The following POGZ variants were observed in gnomAD, a reference collection of about 807,000 sequenced individuals.
The protein encoded by POGZ is pogo transposable element derived with ZNF domain.
Under a neutral mutation model 134.6 loss-of-function variants are expected in POGZ, and 17 were observed. That is an observed-to-expected ratio of 0.13 (90% confidence interval 0.09 to 0.19). POGZ has a LOEUF of 0.19. Ranked by LOEUF, POGZ falls within the 10% of genes least tolerant of loss-of-function variation. The pLI is 1.00. For synonymous variants in POGZ, 693 were observed against 657.1 expected, an observed-to-expected ratio of 1.05 and a Z score of -0.84; for missense variants, 1,306 against 1,769.7, an observed-to-expected ratio of 0.74 and a Z score of 4.70.
intron 12 of POGZ, 129 bp from the exon 13 acceptor site, chr1:151,408,957 G>T: frequency 1.2e-6 from 1 of 807,888 alleles, no homozygotes; most frequent in Non-Finnish European, 2.0e-6. Flanking sequence ...TAATTTAAGA[G>T]AGTAAGAAAG....
At position 151,402,741 on chromosome 1, in the gene POGZ, T is replaced by C. The variant is rs897632184; in HGVS notation, c.*2061A>G. ...ACACAGGAAACAGTCAATAAATACA[T>C]GTTTATTGATTAAACTGAATTATAA... On this transcript the variant is annotated 3_prime_UTR_variant, in exon 19 of 19. Coordinates refer to ENST00000271715, the MANE Select transcript of POGZ (RefSeq NM_015100.4). 3.3e-5 allele frequency: 5 copies of C among 152,316 alleles called. No homozygotes were observed. Among genetic ancestry groups the C allele is most frequent in the African/African-American group, 1.2e-4 (5 of 41,562 alleles). 9.4% of individuals were successfully genotyped at this position (152,316 alleles called of 1,614,324 possible). A position where few individuals can be genotyped will look rare whatever the true frequency, so the allele number is the denominator to read the frequency against.
rs1571328454 is a variant in POGZ at position 151,406,414 on chromosome 1, T to C, written c.2621A>G (p.Tyr874Cys). 1 of 1,561,700 alleles carries C rather than the reference T, an allele frequency of 6.4e-7. No homozygotes were observed. Residue 874 changes from tyrosine to cysteine, a missense_variant, in exon 19 of 19, where the codon TAC (tyrosine) becomes TGC (cysteine). Tyr to Cys is a radical substitution (Grantham distance 194). This residue lies in a region of POGZ where 214 missense variants were observed against 255.5 expected (regional missense o/e 0.84). Coordinates refer to ENST00000271715, the MANE Select transcript of POGZ (RefSeq NM_015100.4). ...GTTAGTGGGGAAGGAAGGAGGAGGG[T>C]ACATATTCTTCACGTTCCGGTCATG... ...RVHDRNVKNM[Y>C]PPPSFPTNKA...
At chr1:151,458,442 G>C (rs886353244) in intron 1 of POGZ, among the ~76,000 whole-genome samples, 2 of 152,002 alleles carry the variant, frequency 1.3e-5, no homozygotes, top group Non-Finnish European at 2.9e-5. Context: ...GTGCACTAAG[G>C]CTTAGGATGT....
rs938517110 is a variant in POGZ, at chr1:151,423,505, C to A, written c.1570G>T (p.Gly524Cys). ...CAGATAGTGTGACCATCTACCTCACCGTTCTGCTGATCGAGTTCTACGTGG... is the reference window on the plus strand; with the variant it reads ...CAGATAGTGTGACCATCTACCTCACAGTTCTGCTGATCGAGTTCTACGTGG... ...KHHVELDQQN[G>C]EVDGHTICQH... The change falls in exon 10 of 19, where the codon GGT becomes TGT. Residue 524 changes from glycine to cysteine, a missense_variant. This residue lies in a region of POGZ where 541 missense variants were observed against 680.5 expected (regional missense o/e 0.80). Transcript: ENST00000271715. 1 of 1,613,770 alleles carries A rather than the reference C, an allele frequency of 6.2e-7. No homozygotes were observed. The highest frequency in any genetic ancestry group is 8.5e-7 in the Non-Finnish European group (1 of 1,179,692).
At chr1:151,423,630 G>T in intron 9 of POGZ, 79 bp from the exon 10 acceptor site, 2 of 1,150,924 alleles carry the variant, frequency 1.7e-6, no homozygotes, top group Non-Finnish European at 1.3e-6. Flanking sequence ...TAAAATCACA[G>T]AACAAACATT....
At chr1:151,419,047 GAAAA>G (rs1049818487) in intron 10 of POGZ, among the ~76,000 whole-genome samples, 1 of 118,832 alleles carries the variant, frequency 8.4e-6, no homozygotes, top group African/African-American at 3.3e-5. Flanking sequence ...AAAAAAAAAA[GAAAA>G]AAAGAAAAAA....
At chr1:151,418,988 G>A (rs534192589) in intron 10 of POGZ, among the ~76,000 whole-genome samples, 4 of 124,602 alleles carry the variant, frequency 3.2e-5, no homozygotes, top group South Asian at 2.5e-4. Context: ...TTGTGCCACC[G>A]TACTCCAGCA....
intron 1 of POGZ, among the ~76,000 whole-genome samples, chr1:151,452,097 CAAAAAAAA>C (rs574531921): frequency 3.4e-5 from 2 of 59,034 alleles, no homozygotes; most frequent in Non-Finnish European, 7.9e-5. Context: ...GACTCCGTCT[CAAAAAAAA>C]AAAAAAAAAA....
At chr1:151,424,568 C>A in intron 8 of POGZ, 1 of 336,690 alleles carries the variant, frequency 3.0e-6, no homozygotes, top group Non-Finnish European at 5.4e-6. Context: ...GAAGAAGTTC[C>A]AACCTTTTTA....
At position 151,411,789 on chromosome 1, in the gene POGZ, GA is replaced by G; in HGVS notation, c.1780-19del. The G allele has an allele frequency of 6.3e-7, 1 of 1,595,470 alleles. No individual in the cohort carries two copies. The highest frequency in any genetic ancestry group is 8.5e-7 in the Non-Finnish European group (1 of 1,171,560). The stretch of plus-strand genomic sequence containing the variant: ...TGACACACCTGAGTCACATAGGAGG[GA>G]AAATAAGGCTAAGAATGAAGTGAAC... On this transcript the variant is annotated intron_variant, in intron 11 of 18. Coordinates refer to ENST00000271715, the MANE Select transcript of POGZ (RefSeq NM_015100.4).
At chr1:151,457,445 G>GT (rs769217722) in intron 1 of POGZ, among the ~76,000 whole-genome samples, 3 of 152,166 alleles carry the variant, frequency 2.0e-5, no homozygotes, top group Non-Finnish European at 4.4e-5. Flanking sequence ...CCCCCAAATT[G>GT]TACGTTTAAC....
At position 151,405,515 on chromosome 1, in the gene POGZ, C is replaced by G. The variant is rs1461526270; in HGVS notation, c.3520G>C (p.Val1174Leu). ...TGATCCATCTGCCCTCTGTAGAAAACCAGGGTGGGAAGGACAGTGCCATCT... is the reference window on the plus strand; with the variant it reads ...TGATCCATCTGCCCTCTGTAGAAAAGCAGGGTGGGAAGGACAGTGCCATCT... ...LADGTVLPTL[V>L]FYRGQMDQPA... Residue 1174 changes from valine (V) to leucine (L), a missense_variant, in exon 19 of 19, where the codon GTT (valine) becomes CTT (leucine). Around this residue, in one of 10 missense-constraint regions of POGZ, gnomAD observed 161 missense variants for 185.4 expected, o/e 0.87. Transcript: ENST00000271715. This position sits in a 1 kb window ranked among gnomAD's most constrained non-coding sequence, Gnocchi z 4.9. 3 of 1,614,210 alleles carry G rather than the reference C, an allele frequency of 1.9e-6. No homozygotes were observed. The highest frequency in any genetic ancestry group is 1.1e-5 in the South Asian group (1 of 91,090).
intron 1 of POGZ, among the ~76,000 whole-genome samples, chr1:151,452,809 AGCCAAGATTGT>A (rs1662293856): frequency 6.6e-6 from 1 of 150,612 alleles, no homozygotes; most frequent in Admixed American, 6.7e-5. Context: ...GGTTGCAGTG[AGCCAAGATTGT>A]GCCACTGCAC....
At chr1:151,418,481 C>T (rs554513372) in intron 10 of POGZ, among the ~76,000 whole-genome samples, 3 of 151,880 alleles carry the variant, frequency 2.0e-5, no homozygotes, top group Non-Finnish European at 4.4e-5. Flanking sequence ...TCAACAGGTA[C>T]AAATATATGG....
intron 3 of POGZ, among the ~76,000 whole-genome samples, chr1:151,434,573 A>G (rs989514280): frequency 6.6e-6 from 1 of 152,222 alleles, no homozygotes; most frequent in African/African-American, 2.4e-5. Flanking sequence ...TACTTCAGAC[A>G]TCACATGGTA....
rs1221536755 is a variant in POGZ, at chr1:151,406,376, C to A, written c.2659G>T (p.Val887Leu). ...PSFPTNKAAT[V>L]KSAGATPAEP... is the part of the protein sequence containing the mutation. ...GCTGGGGTGGCCCCCGCAGATTTCA[C>A]AGTGGCAGCTTTGTTAGTGGGGAAG... Residue 887 changes from valine (V) to leucine (L), a missense_variant, in exon 19 of 19, where the codon GTG becomes TTG. By Grantham distance (32) the Val-to-Leu change is conservative (BLOSUM62 1). Around this residue, in one of 10 missense-constraint regions of POGZ, gnomAD observed 214 missense variants for 255.5 expected, o/e 0.84. Transcript: ENST00000271715. The A allele has an allele frequency of 1.3e-6, 2 of 1,584,826 alleles. No individual in the cohort carries two copies. The highest frequency in any genetic ancestry group is 1.8e-5 in the Admixed American group (1 of 55,046).
Position 151,406,914 on chromosome 1 carries a change from G to T in POGZ, c.2542C>A (p.Arg848=), listed in dbSNP as rs548226228. ...AATCCCCTTCTCTCCTACTTACCCC[G>T]TGGCAGGATGCTGCTGGATCTGTGA... ...PSHRSSSILP[R]GLTWIAHSRH... The change falls in exon 17 of 19, where the codon CGG becomes AGG. Residue 848 remains arginine (R), a synonymous_variant. Transcript: ENST00000271715. 6.2e-7 allele frequency: 1 copy of T among 1,609,804 alleles called. No individual in the cohort carries two copies. The highest frequency in any genetic ancestry group is 1.3e-5 in the African/African-American group (1 of 74,774).
chr1:151,440,783 G>C lies in POGZ; in HGVS notation c.283+145C>G, dbSNP rs975317679. On this transcript the variant is annotated intron_variant, in intron 3 of 18. Transcript: ENST00000271715. ...AGCACCATCTACAGAAATCACTTCC[G>C]TATCAGAGAATCATTACTAAATTCA... 1.3e-5 allele frequency: 8 copies of C among 634,774 alleles called. 1 individual carries two copies. The South Asian group carries it at 1.9e-4, about 15-fold the overall frequency. 39.3% of individuals were successfully genotyped at this position (634,774 alleles called of 1,614,324 possible).
intron 1 of POGZ, among the ~76,000 whole-genome samples, chr1:151,457,582 C>T (rs1232162829): frequency 1.3e-5 from 2 of 152,182 alleles, no homozygotes; most frequent in South Asian, 2.1e-4. Context: ...CAACGAGCAG[C>T]CCTCCCTGCC....
Sources: allele counts gnomAD v4.1 joint callset (sites outside exome capture counted in the v4.1 genomes callset), GRCh38; gene constraint gnomAD v4.1.1; regional missense constraint gnomAD v4.1.1; non-coding constraint Gnocchi (gnomAD v3.1); transcripts MANE v1.5; gene names NCBI Gene and HGNC (gene_info 2026-07-23, HGNC 2026-07-21).